The following SAMD8 variants were observed in gnomAD, a reference collection of about 807,000 sequenced individuals.
SAMD8 encodes sterile alpha motif domain containing 8.
Under a neutral mutation model 42.0 loss-of-function variants are expected in SAMD8, and 20 were observed. The ratio of observed to expected loss-of-function variants is 0.48; its 90% CI spans 0.34 to 0.69. The LOEUF (loss-of-function observed/expected upper bound fraction) is 0.69. SAMD8 is among the 30% of genes least tolerant of loss of function. The pLI, the probability that SAMD8 is intolerant of heterozygous loss-of-function variation, is 0.01. For missense variants in SAMD8, 328 were observed against 511.6 expected, an observed-to-expected ratio of 0.64 and a Z score of 3.46; for synonymous variants, 162 against 173.0, an observed-to-expected ratio of 0.94 and a Z score of 0.50.
At chr10:75,158,015 C>A (rs977462739) in intron 2 of SAMD8, among the ~76,000 whole-genome samples, 3 of 151,708 alleles carry the variant, frequency 2.0e-5, no homozygotes, top group African/African-American at 7.3e-5. Context: ...CAAAATTAGC[C>A]AGGCATGGTG....
chr10:75,161,331 C>G, intron 2 of SAMD8, among the ~76,000 whole-genome samples: 1 of 152,134 alleles, frequency 6.6e-6, no homozygotes, highest in East Asian at 1.9e-4. Flanking sequence ...GGGTAAGATT[C>G]CTTTCCTTGG....
In SAMD8 at chr10:75,126,325, G is replaced by A. The variant is rs140647346; in HGVS notation, c.-16+14603G>A. On this transcript the variant is annotated intron_variant, in intron 1 of 5. Transcript: ENST00000542569. ...TTTATTAGTCTTTTGAGGATTGAGTGAACTAATTATGACTCTCTTTAATAT... is the reference window on the plus strand; with the variant it reads ...TTTATTAGTCTTTTGAGGATTGAGTAAACTAATTATGACTCTCTTTAATAT... Among the ~76,000 whole-genome samples the A allele has an allele frequency of 9.7e-3, 1,476 of 152,156 alleles. 10 individuals are homozygous for A. Among genetic ancestry groups the A allele is most frequent in the Non-Finnish European group, 0.018 (1,200 of 67,998 alleles).
In SAMD8 at chr10:75,115,833, C is replaced by G. The variant is rs546945039; in HGVS notation, c.-16+4111C>G. Among the ~76,000 whole-genome samples the G allele has an allele frequency of 4.3e-4, 65 of 150,682 alleles. 1 individual carries two copies. In the South Asian group the frequency reaches 0.013, roughly 31 times the overall value. On this transcript the variant is annotated intron_variant, in intron 1 of 5. Coordinates refer to ENST00000542569, the MANE Select transcript of SAMD8 (RefSeq NM_001174156.2). Reference sequence around the variant, plus strand: ...GCAGGCGCCTGTAGTCCCAGCTACTCAGGAGGCTGAGGCAGGAGAATGGCA... The same window carrying G: ...GCAGGCGCCTGTAGTCCCAGCTACTGAGGAGGCTGAGGCAGGAGAATGGCA...
intron 1 of SAMD8, among the ~76,000 whole-genome samples, chr10:75,136,880 T>G (rs1316673283): frequency 6.6e-6 from 1 of 152,194 alleles, no homozygotes; most frequent in African/African-American, 2.4e-5. Context: ...AAATACTACT[T>G]TATGTCATAA....
intron 2 of SAMD8, among the ~76,000 whole-genome samples, chr10:75,158,402 G>A (rs981316650): frequency 2.6e-5 from 4 of 152,084 alleles, no homozygotes; most frequent in Admixed American, 2.6e-4. Flanking sequence ...GACCAGCCTG[G>A]CCAACATGGC....
intron 1 of SAMD8, 59 bp from the exon 2 acceptor site, chr10:75,150,455 G>A: frequency 6.5e-7 from 1 of 1,531,292 alleles, no homozygotes; most frequent in Non-Finnish European, 8.7e-7. Context: ...GTTTGTCTTT[G>A]AAGAAATTGT....
At chr10:75,170,692 T>TA (rs1840831804) in intron 4 of SAMD8, among the ~76,000 whole-genome samples, 1 of 151,080 alleles carries the variant, frequency 6.6e-6, no homozygotes, top group South Asian at 2.1e-4. Flanking sequence ...ACCCTATAAA[T>TA]AATACAGTTA....
intron 1 of SAMD8, among the ~76,000 whole-genome samples, chr10:75,147,629 GT>G (rs1554860836): frequency 6.6e-6 from 1 of 152,140 alleles, no homozygotes; most frequent in Non-Finnish European, 1.5e-5. Context: ...GGCTGGCTTT[GT>G]TTTATGTGAA....
chr10:75,167,986 T>G (rs1354812339), intron 3 of SAMD8, among the ~76,000 whole-genome samples: 1 of 152,174 alleles, frequency 6.6e-6, no homozygotes, highest in Non-Finnish European at 1.5e-5. Flanking sequence ...CTCTTTTACT[T>G]TCTTTTAGCC....
chr10:75,106,941 C>G (rs937901211), upstream of SAMD8, among the ~76,000 whole-genome samples: 1 of 152,224 alleles, frequency 6.6e-6, no homozygotes, highest in Admixed American at 6.5e-5. Flanking sequence ...CAGTGAGGGA[C>G]ACAGCTGTCT....
chr10:75,105,907 A>G (rs749790219), intron 1 of SAMD8: 1 of 1,531,112 alleles, frequency 6.5e-7, no homozygotes, highest in South Asian at 1.2e-5. Flanking sequence ...TGTCCCACAC[A>G]CCGGCCCACC....
chr10:75,172,506 T>TA (rs568487404), intron 4 of SAMD8, among the ~76,000 whole-genome samples: 1 of 151,988 alleles, frequency 6.6e-6, no homozygotes, highest in Non-Finnish European at 1.5e-5. Flanking sequence ...AACTGATTTT[T>TA]TTTTTTTTTT....
chr10:75,105,737 G>T, intron 1 of SAMD8: 1 of 1,554,686 alleles, frequency 6.4e-7, no homozygotes, highest in East Asian at 2.4e-5. Context: ...CCTCGGTTGG[G>T]GAAGACCCAT....
chr10:75,168,390 C>A, intron 3 of SAMD8, 151 bp from the exon 4 acceptor site: 1 of 1,463,488 alleles, frequency 6.8e-7, no homozygotes, highest in Non-Finnish European at 9.0e-7. Context: ...TGTTGGACAA[C>A]GATGCTTTTG....
At chr10:75,174,038 T>TTTTA (rs1840931240) in intron 4 of SAMD8, among the ~76,000 whole-genome samples, 1 of 152,198 alleles carries the variant, frequency 6.6e-6, no homozygotes, top group Admixed American at 6.5e-5. Flanking sequence ...TAGCACCTTT[T>TTTTA]TGTACCATTA....
At chr10:75,160,536 CAT>C (rs1840535110) in intron 2 of SAMD8, among the ~76,000 whole-genome samples, 1 of 152,118 alleles carries the variant, frequency 6.6e-6, no homozygotes, top group Non-Finnish European at 1.5e-5. Context: ...AGAAAAAAGA[CAT>C]ATCCATGTAT....
At chr10:75,145,737 A>G (rs965543142) in intron 1 of SAMD8, among the ~76,000 whole-genome samples, 3 of 152,202 alleles carry the variant, frequency 2.0e-5, no homozygotes, top group African/African-American at 4.8e-5. Context: ...ACAACCAAAA[A>G]TGTCTTCAGA....
intron 3 of SAMD8, 88 bp downstream of exon 3, chr10:75,164,828 T>A (rs1048415611): frequency 2.1e-5 from 21 of 981,540 alleles, no homozygotes; most frequent in Non-Finnish European, 3.4e-5. Flanking sequence ...TGCAGTTTCC[T>A]TGTTAATTTC....
At chr10:75,147,888 G>A (rs1465308509) in intron 1 of SAMD8, among the ~76,000 whole-genome samples, 1 of 152,124 alleles carries the variant, frequency 6.6e-6, no homozygotes, top group Non-Finnish European at 1.5e-5. Context: ...TAAGTTCCAT[G>A]TGTTAAAGTG....
Sources: allele counts gnomAD v4.1 joint callset (sites outside exome capture counted in the v4.1 genomes callset), GRCh38; gene constraint gnomAD v4.1.1; transcripts MANE v1.5; gene names NCBI Gene and HGNC (gene_info 2026-07-23, HGNC 2026-07-21).